Variants in APPL1 observed in about 807,000 individuals in gnomAD.
APPL1 encodes adaptor protein, phosphotyrosine interacting with PH domain and leucine zipper 1.
Under a neutral mutation model 106.8 loss-of-function variants are expected in APPL1, and 42 were observed. The observed-to-expected ratio is 0.39, with a 90% CI of 0.31 to 0.51. The LOEUF (loss-of-function observed/expected upper bound fraction) is 0.51. Ranked by LOEUF, APPL1 falls within the 20% of genes least tolerant of loss-of-function variation. The pLI is 0.75. For synonymous variants in APPL1, 263 were observed against 281.8 expected (o/e 0.93, Z 0.67); for missense variants, 769 against 858.2 (o/e 0.90, Z 1.30).
In APPL1 at chr3:57,227,919, G is replaced by C. The variant is rs79282761; in HGVS notation, c.36G>C (p.Thr12=). The C allele has an allele frequency of 5.3e-3, 7,752 of 1,464,962 alleles. 183 individuals are homozygous for C. The highest frequency in any genetic ancestry group is 3.6e-3 in the Non-Finnish European group (4,020 of 1,104,306). The allele number at this position is 1,464,962 out of a possible 1,614,324, so 90.7% of individuals were successfully genotyped here. A position where few individuals can be genotyped will look rare whatever the true frequency, so the allele number is the denominator to read the frequency against. Residue 12 remains threonine, a synonymous_variant, in exon 1 of 22, where the codon ACG becomes ACC. Coordinates refer to ENST00000288266, the MANE Select transcript of APPL1 (RefSeq NM_012096.3). ...PGIDKLPIEE[T]LEDSPQTRSL... The stretch of plus-strand genomic sequence containing the variant: ...TCGACAAGCTGCCCATCGAGGAGAC[G>C]CTGGAGGACAGCCCGCAGGTGAGGC...
intron 7 of APPL1, among the ~76,000 whole-genome samples, chr3:57,245,226 C>T (rs1278230628): frequency 6.6e-6 from 1 of 152,082 alleles, no homozygotes; most frequent in Non-Finnish European, 1.5e-5. Context: ...CTAAGGAAAG[C>T]AGGAAGGCAG....
At chr3:57,252,051 T>A (rs1579393383) in intron 11 of APPL1, among the ~76,000 whole-genome samples, 1 of 152,172 alleles carries the variant, frequency 6.6e-6, no homozygotes, top group Non-Finnish European at 1.5e-5. Context: ...TTTTGGTACA[T>A]CTTGGCATAG....
chr3:57,239,611 A>G lies in APPL1; in HGVS notation c.286-854A>G, dbSNP rs377745922. On this transcript the variant is annotated intron_variant, in intron 4 of 21. Coordinates refer to ENST00000288266, the MANE Select transcript of APPL1 (RefSeq NM_012096.3). ...CCTTTTAACTAGTTCAAATAATGTT[A>G]TTATGAGCATTCATATACAAGATTG... Among the ~76,000 whole-genome samples the G allele has an allele frequency of 2.6e-5, 4 of 152,212 alleles. No individual in the cohort carries two copies. The East Asian group carries it at 7.7e-4, about 29-fold the overall frequency.
chr3:57,268,579 G>A (rs1256349480), intron 21 of APPL1, 92 bp downstream of exon 21: 15 of 1,398,938 alleles, frequency 1.1e-5, no homozygotes, highest in Non-Finnish European at 1.2e-5. Flanking sequence ...CAAATGAAGG[G>A]CTGTTTCTGC....
chr3:57,229,727 T>TC (rs1229996476), intron 1 of APPL1, among the ~76,000 whole-genome samples: 1 of 146,786 alleles, frequency 6.8e-6, no homozygotes, highest in African/African-American at 2.5e-5. Flanking sequence ...TTTTTTTTTT[T>TC]CCTGAGACGG....
intron 13 of APPL1, among the ~76,000 whole-genome samples, chr3:57,256,578 A>G (rs2060837645): frequency 6.6e-6 from 1 of 152,198 alleles, no homozygotes; most frequent in African/African-American, 2.4e-5. Flanking sequence ...TCGATTGTCC[A>G]TTGTGCCAGG....
intron 16 of APPL1, among the ~76,000 whole-genome samples, chr3:57,259,341 C>T (rs1346081965): frequency 3.3e-5 from 5 of 152,198 alleles, no homozygotes; most frequent in Non-Finnish European, 5.9e-5. Flanking sequence ...TCAAGCTTTT[C>T]CTAACAGCTG....
chr3:57,250,633 A>G (rs2060798442), intron 11 of APPL1, among the ~76,000 whole-genome samples: 1 of 152,166 alleles, frequency 6.6e-6, no homozygotes, highest in South Asian at 2.1e-4. Context: ...AAGAAATACT[A>G]TAATTTGGAT....
intron 1 of APPL1, among the ~76,000 whole-genome samples, chr3:57,234,031 C>T (rs113968023): frequency 2.6e-5 from 4 of 152,162 alleles, no homozygotes; most frequent in African/African-American, 9.6e-5. Flanking sequence ...CTGCAGTGAG[C>T]CGAGATCATG....
intron 12 of APPL1, 44 bp downstream of exon 12, chr3:57,252,355 A>G (rs762590841): frequency 7.0e-7 from 1 of 1,422,772 alleles, no homozygotes; most frequent in Non-Finnish European, 9.8e-7. Context: ...ATTTTAAAAT[A>G]TTTTTCTGAT....
rs377092000 is a variant in APPL1, at chr3:57,256,908, G to A, written c.1153-49G>A. The A allele has an allele frequency of 9.3e-5, 139 of 1,495,224 alleles. No individual in the cohort carries two copies. The Middle Eastern group carries it at 1.6e-3, about 17-fold the overall frequency. 92.6% of individuals were successfully genotyped at this position (1,495,224 alleles called of 1,614,324 possible). A position where few individuals can be genotyped will look rare whatever the true frequency, so the allele number is the denominator to read the frequency against. ...ATTCAGAGTTACATTCAAACTTTTGGTTTGCTTACTTTACTAATATTAGTC... is the reference window on the plus strand; with the variant it reads ...ATTCAGAGTTACATTCAAACTTTTGATTTGCTTACTTTACTAATATTAGTC... On this transcript the variant is annotated intron_variant, in intron 13 of 21. Coordinates refer to ENST00000288266, the MANE Select transcript of APPL1 (RefSeq NM_012096.3).
At chr3:57,234,615 A>G (rs546794135) in intron 1 of APPL1, among the ~76,000 whole-genome samples, 30 of 149,864 alleles carry the variant, frequency 2.0e-4, no homozygotes, top group African/African-American at 6.4e-4. Flanking sequence ...CTTAACATTT[A>G]CTTATAAGCT....
chr3:57,251,150 C>T (rs2060802497), intron 11 of APPL1, among the ~76,000 whole-genome samples: 1 of 151,444 alleles, frequency 6.6e-6, no homozygotes, highest in Non-Finnish European at 1.5e-5. Flanking sequence ...TGTGGGTTCC[C>T]TGACAGTCAT....
chr3:57,267,681 C>G (rs973868132), intron 19 of APPL1, 61 bp from the exon 20 acceptor site: 2 of 1,409,884 alleles, frequency 1.4e-6, no homozygotes, highest in South Asian at 1.2e-5. Flanking sequence ...TATTTGGATA[C>G]TTGACATTTT....
intron 2 of APPL1, among the ~76,000 whole-genome samples, chr3:57,236,619 C>T (rs1428637434): frequency 1.3e-5 from 2 of 152,246 alleles, no homozygotes; most frequent in Non-Finnish European, 2.9e-5. Context: ...TGAGCCACTG[C>T]ACCTGGCCAA....
chr3:57,256,198 G>C (rs1182255197), intron 13 of APPL1, among the ~76,000 whole-genome samples: 1 of 152,006 alleles, frequency 6.6e-6, no homozygotes, highest in Non-Finnish European at 1.5e-5. Flanking sequence ...AATAGAGAAC[G>C]TATCTCCCAA....
rs1482253002 is a variant in APPL1, at chr3:57,273,406, AGTT to A, written c.*3723_*3725del. On this transcript the variant is annotated 3_prime_UTR_variant, in exon 22 of 22. Coordinates refer to ENST00000288266, the MANE Select transcript of APPL1 (RefSeq NM_012096.3). ...TATACTGACAAGGCTTCAGGAAAAA[AGTT>A]GTTAGAAGATTTTTTAATGTATAAT... The A allele has an allele frequency of 4.6e-5, 7 of 152,608 alleles. No homozygotes were observed. Among genetic ancestry groups the A allele is most frequent in the Admixed American group, 3.9e-4 (6 of 15,278 alleles). 9.5% of individuals were successfully genotyped at this position (152,608 alleles called of 1,614,324 possible).
At chr3:57,264,164 T>C (rs575487938) in intron 19 of APPL1, among the ~76,000 whole-genome samples, 1 of 152,362 alleles carries the variant, frequency 6.6e-6, no homozygotes, top group Admixed American at 6.5e-5. Context: ...ATATGCCTGT[T>C]TGCCATTTGT....
rs751614358 is a variant in APPL1 at position 57,246,144 on chromosome 3, T to C, written c.543T>C (p.Tyr181=). The C allele has an allele frequency of 2.5e-6, 4 of 1,612,222 alleles. No individual in the cohort carries two copies. The highest frequency in any genetic ancestry group is 1.7e-4 in the Middle Eastern group (1 of 6,054). ...AACAACACCAGACCATGATGCATTA[T>C]TTTTGTGCATTAAATACTCTTCAGT... ...RKKQHQTMMH[Y]FCALNTLQYK... is the part of the protein sequence containing the mutation. Residue 181 remains tyrosine (Y), a synonymous_variant, in exon 8 of 22, where the codon TAT becomes TAC. Coordinates refer to ENST00000288266, the MANE Select transcript of APPL1 (RefSeq NM_012096.3).
Sources: gnomAD v4.1 joint callset for allele counts (sites outside exome capture counted in the v4.1 genomes callset) on GRCh38, gnomAD v4.1.1 for gene constraint, MANE v1.5 for transcripts, NCBI Gene and HGNC (gene_info 2026-07-23, HGNC 2026-07-21) for gene names.